The following SOD2 variants were observed in gnomAD, a reference collection of about 807,000 sequenced individuals.
The protein encoded by SOD2 is superoxide dismutase 2, also known as superoxide dismutase [Mn], mitochondrial.
In SOD2, 11 loss-of-function variants were observed where a neutral mutation model predicts 27.0. That is an observed-to-expected ratio of 0.41 (90% CI 0.26 to 0.67). The LOEUF (loss-of-function observed/expected upper bound fraction) is 0.67. SOD2 is among the 30% of genes least tolerant of loss of function. The pLI, the probability that SOD2 is intolerant of heterozygous loss-of-function variation, is 0.34. For missense variants in SOD2, 250 were observed against 274.5 expected (o/e 0.91, Z 0.63); for synonymous variants, 105 against 103.0 (o/e 1.02, Z -0.12).
At chr6:159,727,525 T>G (rs1778261799), upstream of SOD2, 1 of 991,736 alleles carries the variant, frequency 1.0e-6, no homozygotes, top group Non-Finnish European at 1.2e-6. Context: ...CGCCATTTTG[T>G]GGCAGCGAGA....
rs1345926128 is a variant in SOD2, at chr6:159,673,239, C to A, written c.*9254G>T. Reference sequence around the variant, plus strand: ...TCCAGGAATTGAATTCAGCTCTGCACCAAGCAGACCTAATAGACATCTACA... The same window carrying A: ...TCCAGGAATTGAATTCAGCTCTGCAACAAGCAGACCTAATAGACATCTACA... On this transcript the variant is annotated 3_prime_UTR_variant, in exon 5 of 5. Transcript: ENST00000538183. The A allele has an allele frequency of 1.3e-5, 2 of 152,106 alleles. No homozygotes were observed. The highest frequency in any genetic ancestry group is 4.8e-5 in the African/African-American group (2 of 41,432). 9.4% of individuals were successfully genotyped at this position (152,106 alleles called of 1,614,324 possible). A position where few individuals can be genotyped will look rare whatever the true frequency, so the allele number is the denominator to read the frequency against.
chr6:159,727,102 G>A, intron 1 of SOD2: 1 of 1,193,438 alleles, frequency 8.4e-7, no homozygotes, highest in Non-Finnish European at 1.1e-6. Context: ...TCGCTGGCCC[G>A]CCCCTCCCCT....
rs371158323 is a variant in SOD2, at chr6:159,719,731, C to CTTTT, written c.-116+7394_-116+7397dup. On this transcript the variant is annotated intron_variant, in intron 1 of 2. Transcript: ENST00000401980. ...GTATTATGGTTTTTTCTTTTATTTTCTTTTTTTTTTTTGAGAGAGTCTTAT... is the reference window on the plus strand; with the variant it reads ...GTATTATGGTTTTTTCTTTTATTTTCTTTTTTTTTTTTTTTTGAGAGAGTCTTAT... 2.0e-3 allele frequency among the ~76,000 whole-genome samples: 282 copies of CTTTT among 141,342 alleles called. 1 individual carries two copies. Among genetic ancestry groups the CTTTT allele is most frequent in the African/African-American group, 1.8e-3 (68 of 38,402 alleles). 92.7% of individuals were successfully genotyped at this position (141,342 alleles called of 152,430 possible). A position where few individuals can be genotyped will look rare whatever the true frequency, so the allele number is the denominator to read the frequency against.
At chr6:159,699,127 C>T (rs1283791189) in intron 1 of SOD2, among the ~76,000 whole-genome samples, 1 of 152,154 alleles carries the variant, frequency 6.6e-6, no homozygotes, top group African/African-American at 2.4e-5. Flanking sequence ...CTAATTGGAG[C>T]CCAAGATTTG....
upstream of SOD2, among the ~76,000 whole-genome samples, chr6:159,697,443 A>T (rs577667186): frequency 6.6e-6 from 1 of 152,314 alleles, no homozygotes; most frequent in East Asian, 1.9e-4. Flanking sequence ...AGAGAAAATG[A>T]TTATAGAGCT....
chr6:159,743,944 A>C (rs1443214065), intron 1 of SOD2: 3 of 911,474 alleles, frequency 3.3e-6, no homozygotes, highest in Non-Finnish European at 4.4e-6. Context: ...CTAGATGAAA[A>C]ATTTTGATAA....
In SOD2 at chr6:159,670,731, T is replaced by C. The variant is rs1475957920; in HGVS notation, c.*11762A>G. On this transcript the variant is annotated 3_prime_UTR_variant, in exon 5 of 5. Coordinates refer to ENST00000538183, the MANE Select transcript of SOD2 (RefSeq NM_000636.4). ...CCAGGTTCATCTCACTGGGGCTTGT[T>C]GGACAGTGGGTGTAGGACGGTGGGT... 1.3e-5 allele frequency: 2 copies of C among 152,792 alleles called. No individual in the cohort carries two copies. The highest frequency in any genetic ancestry group is 2.9e-5 in the Non-Finnish European group (2 of 68,582). The allele number at this position is 152,792 out of a possible 1,614,324, so 9.5% of individuals were successfully genotyped here. A position where few individuals can be genotyped will look rare whatever the true frequency, so the allele number is the denominator to read the frequency against.
At position 159,762,060 on chromosome 6, in the gene SOD2, C is replaced by A. The variant is rs750021042; in HGVS notation, c.-1359G>T. ...AGCTTTGCCTAGCTTGCAGGCAGCG[C>A]AGGGCAGACGGCGGCAGGAGAAGCA... On this transcript the variant is annotated 5_prime_UTR_variant, in exon 1 of 8. Transcript: ENST00000546087. 9 of 1,611,696 alleles carry A rather than the reference C, an allele frequency of 5.6e-6. No individual in the cohort carries two copies. In the South Asian group the frequency reaches 9.9e-5, roughly 18 times the overall value.
rs185566759 is a variant in SOD2 at position 159,713,848 on chromosome 6, G to A, written c.-116+13281C>T. 6.7e-5 allele frequency: 73 copies of A among 1,090,362 alleles called. No homozygotes were observed. In the African/African-American group the frequency reaches 8.6e-4, roughly 13 times the overall value. The allele number at this position is 1,090,362 out of a possible 1,614,324, so 67.5% of individuals were successfully genotyped here. On this transcript the variant is annotated intron_variant, in intron 1 of 2. Transcript: ENST00000401980. Reference sequence around the variant, plus strand: ...CTTCACCACTTGGTCTGCCTTCTCCGGTGTAGATGAAACAAATACCTGATG... The same window carrying A: ...CTTCACCACTTGGTCTGCCTTCTCCAGTGTAGATGAAACAAATACCTGATG...
At chr6:159,708,923 GACCAATGGA>G (rs1425685249) in intron 1 of SOD2, among the ~76,000 whole-genome samples, 7 of 148,262 alleles carry the variant, frequency 4.7e-5, no homozygotes, top group Non-Finnish European at 7.4e-5. Context: ...CAGAGATATA[GACCAATGGA>G]ACAGAACAGA....
At chr6:159,706,791 C>G (rs538460980) in intron 1 of SOD2, among the ~76,000 whole-genome samples, 56 of 152,300 alleles carry the variant, frequency 3.7e-4, no homozygotes, top group Non-Finnish European at 6.3e-4. Context: ...ACAGAACTCT[C>G]CACCCCAAAT....
At chr6:159,761,848 C>A (rs1384723499) in exon 1 of SOD2, 7 of 230,352 alleles carry the variant, frequency 3.0e-5, no homozygotes, top group Non-Finnish European at 5.0e-5. Flanking sequence ...CCCCGCGCCC[C>A]GCGCCCCGGC....
intron 1 of SOD2, chr6:159,755,445 C>G: frequency 1.2e-6 from 2 of 1,613,960 alleles, no homozygotes; most frequent in Non-Finnish European, 1.7e-6. Flanking sequence ...GTAGACTCTC[C>G]CACGGGCAGT....
chr6:159,759,308 C>T (rs1219136928), intron 1 of SOD2, among the ~76,000 whole-genome samples: 1 of 149,838 alleles, frequency 6.7e-6, no homozygotes, highest in East Asian at 2.0e-4. Context: ...ATCTGCCCGC[C>T]TCGGCCTCCC....
chr6:159,741,942 A>G (rs1398521893), intron 1 of SOD2: 1 of 617,590 alleles, frequency 1.6e-6, no homozygotes, highest in African/African-American at 1.9e-5. Flanking sequence ...ACAGAGCGAG[A>G]CTCTGTCTAA....
Position 159,678,844 on chromosome 6 carries a change from G to A in SOD2, c.*3649C>T, listed in dbSNP as rs1463058840. ...TCAGAATTGAATTATAGGACATCCA[G>A]CTGGTGTCCACTGGACAACCTGGTG... On this transcript the variant is annotated 3_prime_UTR_variant, in exon 5 of 5. Transcript: ENST00000538183. The A allele has an allele frequency of 6.6e-6, 1 of 152,208 alleles. No individual in the cohort carries two copies. The highest frequency in any genetic ancestry group is 6.5e-5 in the Admixed American group (1 of 15,276). The allele number at this position is 152,208 out of a possible 1,614,324, so 9.4% of individuals were successfully genotyped here.
At chr6:159,724,103 T>C (rs183772254) in intron 1 of SOD2, among the ~76,000 whole-genome samples, 209 of 152,254 alleles carry the variant, frequency 1.4e-3, no homozygotes, top group African/African-American at 4.9e-3. Flanking sequence ...CTTAAAATTC[T>C]TTATATTAGT....
At chr6:159,697,077 A>C (rs934592083), upstream of SOD2, among the ~76,000 whole-genome samples, 5 of 149,648 alleles carry the variant, frequency 3.3e-5, no homozygotes, top group African/African-American at 1.3e-4. Context: ...ACACACACAC[A>C]CACGCAGTCA....
rs1347753331 is a variant in SOD2, at chr6:159,679,355, C to G, written c.*3138G>C. 2.0e-5 allele frequency: 3 copies of G among 152,200 alleles called. No homozygotes were observed. Among genetic ancestry groups the G allele is most frequent in the African/African-American group, 7.2e-5 (3 of 41,452 alleles). 9.4% of individuals were successfully genotyped at this position (152,200 alleles called of 1,614,324 possible). ...TTTACCTAATAATAGCTTTCCCAAA[C>G]AGTACTTCCCCTGGAATTAAAACAG... On this transcript the variant is annotated 3_prime_UTR_variant, in exon 5 of 5. Transcript: ENST00000538183.
Sources: allele counts gnomAD v4.1 joint callset (sites outside exome capture counted in the v4.1 genomes callset), GRCh38; gene constraint gnomAD v4.1.1; transcripts MANE v1.5; gene names NCBI Gene and HGNC (gene_info 2026-07-23, HGNC 2026-07-21).